The following ZPR1 variants were observed in gnomAD, a reference collection of about 807,000 sequenced individuals.
The protein encoded by ZPR1 is zinc finger protein ZPR1.
In ZPR1, 37 loss-of-function variants were observed where a neutral mutation model predicts 59.6. The observed-to-expected ratio is 0.62, with a 90% CI of 0.48 to 0.82. ZPR1 has a LOEUF of 0.82. Among genes scored for constraint, ZPR1 ranks in the 40% least tolerant of loss-of-function variants. ZPR1 has a pLI of 0.00. For synonymous variants in ZPR1, 191 were observed against 215.2 expected (o/e 0.89, Z 0.99); for missense variants, 527 against 579.9 (o/e 0.91, Z 0.94).
intron 7 of ZPR1, 51 bp from the exon 8 acceptor site, chr11:116,784,972 A>G: frequency 1.2e-6 from 2 of 1,610,460 alleles, no homozygotes; most frequent in Non-Finnish European, 1.7e-6. Flanking sequence ...TGGGATGTTC[A>G]GGCTAAAGAC....
rs766962511 is a variant in ZPR1, at chr11:116,778,903, C to T, written c.*22G>A. On this transcript the variant is annotated 3_prime_UTR_variant, in exon 14 of 14. Transcript: ENST00000227322. Reference sequence around the variant, plus strand: ...CCTACAGAAAGAGCAGCGCTGGAGGCTGGCCCTTGAGCCACCCACTGCTAC... The same window carrying T: ...CCTACAGAAAGAGCAGCGCTGGAGGTTGGCCCTTGAGCCACCCACTGCTAC... 6.2e-7 allele frequency: 1 copy of T among 1,611,974 alleles called. No individual in the cohort carries two copies. Among genetic ancestry groups the T allele is most frequent in the Non-Finnish European group, 8.5e-7 (1 of 1,179,642 alleles).
At position 116,775,618 on chromosome 11, in the gene ZPR1, A is replaced by C. The variant is rs1940712225; in HGVS notation, c.*3307T>G. The C allele has an allele frequency of 7.9e-6, 1 of 126,836 alleles. No individual in the cohort carries two copies. The highest frequency in any genetic ancestry group is 1.7e-5 in the Non-Finnish European group (1 of 60,048). The allele number at this position is 126,836 out of a possible 1,614,324, so 7.9% of individuals were successfully genotyped here. On this transcript the variant is annotated 3_prime_UTR_variant, in exon 14 of 14. Coordinates refer to ENST00000227322, the MANE Select transcript of ZPR1 (RefSeq NM_003904.5). ...ACTCCAGTCTGGGCAACAGAGTGAG[A>C]CTCCGTCTCAAAAAAAAAAAAAAAA... is the stretch of plus-strand genomic sequence containing the variant.
intron 11 of ZPR1, 41 bp downstream of exon 11, chr11:116,782,878 A>C: frequency 6.5e-7 from 1 of 1,538,652 alleles, no homozygotes; most frequent in Non-Finnish European, 9.0e-7. Flanking sequence ...CACACAGCCA[A>C]ATTGCTCAAA....
chr11:116,786,492 T>C lies in ZPR1; in HGVS notation c.495+19A>G, dbSNP rs112096157. On this transcript the variant is annotated intron_variant, in intron 4 of 13. Coordinates refer to ENST00000227322, the MANE Select transcript of ZPR1 (RefSeq NM_003904.5). ...GCAATTATTCCTTGAGCTGCTACAA[T>C]CAGAAAACCCCAGCTTACCCTTCGT... The C allele has an allele frequency of 1.1e-5, 18 of 1,614,122 alleles. 1 individual carries two copies. The highest frequency in any genetic ancestry group is 1.6e-4 in the Middle Eastern group (1 of 6,062).
rs994938010 is a variant in ZPR1 at position 116,779,693 on chromosome 11, A to G, written c.1245+79T>C. ...CAGTCCATTTAGAATCAAGTCTTTC[A>G]GTTTCTAGGGAAATGATACATATTC... On this transcript the variant is annotated intron_variant, in intron 13 of 13. Coordinates refer to ENST00000227322, the MANE Select transcript of ZPR1 (RefSeq NM_003904.5). 15 of 1,079,700 alleles carry G rather than the reference A, an allele frequency of 1.4e-5. No homozygotes were observed. The African/African-American group carries it at 2.4e-4, about 17-fold the overall frequency. The allele number at this position is 1,079,700 out of a possible 1,614,324, so 66.9% of individuals were successfully genotyped here. A position where few individuals can be genotyped will look rare whatever the true frequency, so the allele number is the denominator to read the frequency against.
rs1940750489 is a variant in ZPR1, at chr11:116,778,295, G to A, written c.*630C>T. On this transcript the variant is annotated 3_prime_UTR_variant, in exon 14 of 14. Transcript: ENST00000227322. ...TCTGTGGTGTGCTTGGCATAAAGTAGATAAGCAAGCATCTGCTGAAGGAAT... is the reference window on the plus strand; with the variant it reads ...TCTGTGGTGTGCTTGGCATAAAGTAAATAAGCAAGCATCTGCTGAAGGAAT... 6.6e-6 allele frequency: 1 copy of A among 152,302 alleles called. No homozygotes were observed. The highest frequency in any genetic ancestry group is 2.4e-5 in the African/African-American group (1 of 41,438). The allele number at this position is 152,302 out of a possible 1,614,324, so 9.4% of individuals were successfully genotyped here. A position where few individuals can be genotyped will look rare whatever the true frequency, so the allele number is the denominator to read the frequency against.
At position 116,779,111 on chromosome 11, in the gene ZPR1, G is replaced by T. The variant is rs752161893; in HGVS notation, c.1246-52C>A. The T allele has an allele frequency of 5.6e-6, 9 of 1,597,916 alleles. No homozygotes were observed. In the Admixed American group the frequency reaches 1.2e-4, roughly 22 times the overall value. On this transcript the variant is annotated intron_variant, in intron 13 of 13. Transcript: ENST00000227322. The stretch of plus-strand genomic sequence containing the variant: ...TGCCGCTGTGCCACTCCCCCTCTCT[G>T]CAGGCAGCTTCCAATTCCCACCTTC...
At position 116,775,449 on chromosome 11, in the gene ZPR1, C is replaced by T. The variant is rs1940708721; in HGVS notation, c.*3476G>A. 2 of 134,306 alleles carry T rather than the reference C, an allele frequency of 1.5e-5. No homozygotes were observed. The highest frequency in any genetic ancestry group is 3.1e-5 in the Non-Finnish European group (2 of 65,084). 8.3% of individuals were successfully genotyped at this position (134,306 alleles called of 1,614,324 possible). A position where few individuals can be genotyped will look rare whatever the true frequency, so the allele number is the denominator to read the frequency against. On this transcript the variant is annotated 3_prime_UTR_variant, in exon 14 of 14. Coordinates refer to ENST00000227322, the MANE Select transcript of ZPR1 (RefSeq NM_003904.5). ...CTCCATCCTGGGTGACAGAGCAAGA[C>T]TGTCTCCAAAAAAAAAAAAAAAAAA...
chr11:116,782,945 C>A lies in ZPR1; in HGVS notation c.1066G>T (p.Gly356Trp), dbSNP rs753845203. 1.2e-6 allele frequency: 2 copies of A among 1,614,038 alleles called. No individual in the cohort carries two copies. The highest frequency in any genetic ancestry group is 1.3e-5 in the African/African-American group (1 of 74,918). Residue 356 changes from glycine to tryptophan, a missense_variant, in exon 11 of 14, where the codon GGG becomes TGG. Physicochemically the swap from Gly to Trp is radical, Grantham distance 184. Coordinates refer to ENST00000227322, the MANE Select transcript of ZPR1 (RefSeq NM_003904.5). Reference sequence around the variant, plus strand: ...AGTTCCCGGATGTCTTTCAGCAGCCCTTCCAGTGTGGTGAACTTGCCCCCG... The same window carrying A: ...AGTTCCCGGATGTCTTTCAGCAGCCATTCCAGTGTGGTGAACTTGCCCCCG... ...VLGGKFTTLE[G>W]LLKDIRELVT...
intron 9 of ZPR1, 85 bp downstream of exon 9, chr11:116,784,293 A>C (rs1940853166): frequency 7.0e-7 from 1 of 1,423,610 alleles, no homozygotes; most frequent in Non-Finnish European, 9.9e-7. Context: ...CCTGCCCCCG[A>C]GTACTGAAGT....
At chr11:116,786,123 G>A (rs1325497525) in intron 4 of ZPR1, among the ~76,000 whole-genome samples, 2 of 152,138 alleles carry the variant, frequency 1.3e-5, no homozygotes, top group East Asian at 3.8e-4. Flanking sequence ...CCACGTTAGA[G>A]ATATAATAGT....
rs752587671 is a variant in ZPR1, at chr11:116,785,688, C to T, written c.583-52G>A. 10 of 1,613,602 alleles carry T rather than the reference C, an allele frequency of 6.2e-6. No individual in the cohort carries two copies. The South Asian group carries it at 1.1e-4, about 18-fold the overall frequency. ...CTGCAAAAGAAAATCATAAACAATC[C>T]TACATCACCTACTATCAGACCACGC... On this transcript the variant is annotated intron_variant, in intron 5 of 13. Coordinates refer to ENST00000227322, the MANE Select transcript of ZPR1 (RefSeq NM_003904.5).
chr11:116,782,098 C>T, intron 12 of ZPR1, 60 bp downstream of exon 12: 2 of 1,288,402 alleles, frequency 1.6e-6, no homozygotes, highest in Non-Finnish European at 2.2e-6. Flanking sequence ...CATGAGCATG[C>T]AGCCTCCTGT....
rs1413295211 is a variant in ZPR1, at chr11:116,774,746, A to G, written c.*4179T>C. 1 of 152,292 alleles carries G rather than the reference A, an allele frequency of 6.6e-6. No individual in the cohort carries two copies. The highest frequency in any genetic ancestry group is 2.4e-5 in the African/African-American group (1 of 41,432). The allele number at this position is 152,292 out of a possible 1,614,324, so 9.4% of individuals were successfully genotyped here. A position where few individuals can be genotyped will look rare whatever the true frequency, so the allele number is the denominator to read the frequency against. ...GGCGGAGGGCCCCAGGGTACCCCAT[A>G]CACAAGCCTGCCTTGGCTTCTCGTC... On this transcript the variant is annotated 3_prime_UTR_variant, in exon 14 of 14. Coordinates refer to ENST00000227322, the MANE Select transcript of ZPR1 (RefSeq NM_003904.5).
At position 116,783,547 on chromosome 11, in the gene ZPR1, T is replaced by C; in HGVS notation, c.964A>G (p.Thr322Ala). The change falls in exon 10 of 14, where the codon ACC becomes GCC. Residue 322 changes from threonine to alanine, a missense_variant. Coordinates refer to ENST00000227322, the MANE Select transcript of ZPR1 (RefSeq NM_003904.5). ...ACTGTTACCTTGAGGAGGTCTCTGG[T>C]CATATCTGAGGCATCTGTGATGTGG... is the stretch of plus-strand genomic sequence containing the variant. Reference protein sequence around the residue: ...TLHITDASDMTRDLLKSETCS... With the variant: ...TLHITDASDMARDLLKSETCS... 2 of 1,614,084 alleles carry C rather than the reference T, an allele frequency of 1.2e-6. No individual in the cohort carries two copies. The highest frequency in any genetic ancestry group is 1.7e-6 in the Non-Finnish European group (2 of 1,179,946).
intron 10 of ZPR1, among the ~76,000 whole-genome samples, chr11:116,783,271 GGACA>G (rs1014360579): frequency 1.3e-5 from 2 of 152,108 alleles, no homozygotes; most frequent in African/African-American, 4.8e-5. Flanking sequence ...TGTCACTAGG[GGACA>G]GACAGAGAAG....
At chr11:116,785,660 T>A in intron 5 of ZPR1, 24 bp from the exon 6 acceptor site, 1 of 1,613,424 alleles carries the variant, frequency 6.2e-7, no homozygotes. Flanking sequence ...GAAGAGAGAG[T>A]CACTGCAAAA....
chr11:116,783,755 GC>G, intron 9 of ZPR1, 136 bp from the exon 10 acceptor site: 1 of 654,112 alleles, frequency 1.5e-6, no homozygotes, highest in Non-Finnish European at 2.6e-6. Flanking sequence ...CTTCTAAACA[GC>G]AGTCGCCCAA....
rs977359178 is a variant in ZPR1, at chr11:116,774,284, G to A, written c.*4641C>T. ...TCAAGTAAACAATACAGAATTATTA[G>A]CTATAGTCAACATGTTGTACATTAG... On this transcript the variant is annotated 3_prime_UTR_variant, in exon 14 of 14. Transcript: ENST00000227322. The A allele has an allele frequency of 1.8e-4, 27 of 152,096 alleles. No individual in the cohort carries two copies. Among genetic ancestry groups the A allele is most frequent in the African/African-American group, 5.5e-4 (23 of 41,510 alleles). 9.4% of individuals were successfully genotyped at this position (152,096 alleles called of 1,614,324 possible).
Sources: gnomAD v4.1 joint callset for allele counts (sites outside exome capture counted in the v4.1 genomes callset) on GRCh38, gnomAD v4.1.1 for gene constraint, MANE v1.5 for transcripts, NCBI Gene and HGNC (gene_info 2026-07-23, HGNC 2026-07-21) for gene names.